GGT1: variants seen among roughly 807,000 people sequenced by gnomAD.
The protein encoded by GGT1 is glutathione hydrolase 1 proenzyme.
A neutral mutation model predicts 56.0 loss-of-function variants in GGT1; 21 were observed. The ratio of observed to expected loss-of-function variants is 0.38; its 90% CI spans 0.27 to 0.54. The LOEUF (loss-of-function observed/expected upper bound fraction) is 0.54. GGT1 is among the 20% of genes least tolerant of loss of function. The pLI, the probability that GGT1 is intolerant of heterozygous loss-of-function variation, is 0.82. For missense variants in GGT1, 466 were observed against 787.0 expected, an observed-to-expected ratio of 0.59 and a Z score of 4.88; for synonymous variants, 238 against 342.6, an observed-to-expected ratio of 0.69 and a Z score of 3.37.
chr22:24,628,549 G>A lies in GGT1; in HGVS notation c.1564-144G>A, dbSNP rs796834671. ...CATGAGGGCCAAGCCCCCTGCTCCA[G>A]TGAGACCCAGCAGGCCCCAACCTGC... On this transcript the variant is annotated intron_variant, in intron 15 of 15. Coordinates refer to ENST00000400382, the MANE Select transcript of GGT1 (RefSeq NM_001288833.2). This position sits in a 1 kb window ranked among gnomAD's most constrained non-coding sequence, Gnocchi z 5.7. 21 of 872,856 alleles carry A rather than the reference G, an allele frequency of 2.4e-5. No individual in the cohort carries two copies. Among genetic ancestry groups the A allele is most frequent in the Non-Finnish European group, 3.2e-5 (18 of 567,112 alleles). 54.1% of individuals were successfully genotyped at this position (872,856 alleles called of 1,614,324 possible). A position where few individuals can be genotyped will look rare whatever the true frequency, so the allele number is the denominator to read the frequency against.
intron 5 of GGT1, among the ~76,000 whole-genome samples, chr22:24,611,592 A>G (rs1195164260): frequency 6.9e-6 from 1 of 144,932 alleles, no homozygotes; most frequent in Non-Finnish European, 1.5e-5. Context: ...CTATCTATCT[A>G]TCTATCTACT....
upstream of GGT1, among the ~76,000 whole-genome samples, chr22:24,602,406 A>C (rs1047085005): frequency 1.1e-4 from 17 of 152,232 alleles, no homozygotes; most frequent in Admixed American, 3.3e-4. Flanking sequence ...GATGGAATGA[A>C]AGAAGGAACG....
At chr22:24,623,049 C>T (rs2047530917) in intron 9 of GGT1, 58 bp from the exon 10 acceptor site, 2 of 1,609,146 alleles carry the variant, frequency 1.2e-6, no homozygotes, top group Non-Finnish European at 8.5e-7. Context: ...CAGCTCCATC[C>T]TCCACGCAGT....
At chr22:24,587,478 G>T in the GGT1 span, among the ~76,000 whole-genome samples, 4 of 152,330 alleles carry the variant, frequency 2.6e-5, no homozygotes, top group East Asian at 5.8e-4. Flanking sequence ...CAACCTTGTG[G>T]GGTCCAAGCT....
chr22:24,605,232 T>TTA (rs2046031702), intron 1 of GGT1, among the ~76,000 whole-genome samples: 6 of 2,330 alleles, frequency 2.6e-3, no homozygotes, highest in Admixed American at 0.013. Context: ...ATAATATGTA[T>TTA]TATATTATAT....
At chr22:24,622,518 C>T (rs1388201677) in intron 9 of GGT1, among the ~76,000 whole-genome samples, 6 of 152,040 alleles carry the variant, frequency 3.9e-5, no homozygotes, top group Non-Finnish European at 7.4e-5. Context: ...GAGCCGATAT[C>T]GCGCCACTGC....
chr22:24,586,505 C>T, the GGT1 span: 2 of 1,302,512 alleles, frequency 1.5e-6, no homozygotes, highest in Admixed American at 2.2e-5. Flanking sequence ...CCCAGGCCTA[C>T]AGTCTGGCAA....
chr22:24,594,075 A>T (rs898031513), upstream of GGT1, among the ~76,000 whole-genome samples: 7 of 152,110 alleles, frequency 4.6e-5, no homozygotes, highest in Admixed American at 4.6e-4. Context: ...GCAGAGTGAG[A>T]TGGGGGCCCT....
the GGT1 span, chr22:24,589,236 C>A: frequency 7.9e-7 from 1 of 1,262,408 alleles, no homozygotes; most frequent in Non-Finnish European, 1.0e-6. Context: ...AGGACATCTG[C>A]AGGTGCTGTC....
In GGT1 at chr22:24,606,513, A is replaced by G. The variant is rs1277693007; in HGVS notation, c.-428-1441A>G. On this transcript the variant is annotated intron_variant, in intron 1 of 15. Coordinates refer to ENST00000400382, the MANE Select transcript of GGT1 (RefSeq NM_001288833.2). ...GGAATGCAGCCACTTAGCAGGGCCA[A>G]ATCCCCTGATGTTCCTGTTGGCTGT... 4.6e-5 allele frequency among the ~76,000 whole-genome samples: 7 copies of G among 152,330 alleles called. No individual in the cohort carries two copies. The East Asian group carries it at 1.4e-3, about 29-fold the overall frequency.
chr22:24,586,895 T>G, the GGT1 span, among the ~76,000 whole-genome samples: 1 of 152,230 alleles, frequency 6.6e-6, no homozygotes, highest in African/African-American at 2.4e-5. Flanking sequence ...TCCCCTTTGG[T>G]GAAAATGGGA....
Position 24,621,389 on chromosome 22 carries a change from T to C in GGT1, c.733+319T>C, listed in dbSNP as rs3876106. Among the ~76,000 whole-genome samples, 82 of 152,024 alleles carry C rather than the reference T, an allele frequency of 5.4e-4. 1 individual carries two copies. The South Asian group carries it at 0.016, about 30-fold the overall frequency. On this transcript the variant is annotated intron_variant, in intron 9 of 15. Transcript: ENST00000400382. ...GTGGCGGCTGGGCTGCAGATAACTTTGTTAGGCAGAGAGAGGAAGGGATTC... is the reference window on the plus strand; with the variant it reads ...GTGGCGGCTGGGCTGCAGATAACTTCGTTAGGCAGAGAGAGGAAGGGATTC...
rs1281116009 is a variant in GGT1 at position 24,627,503 on chromosome 22, C to T, written c.1092C>T (p.His364=). The change falls in exon 12 of 16, where the codon CAC becomes CAT. Residue 364 remains histidine, a synonymous_variant. Coordinates refer to ENST00000400382, the MANE Select transcript of GGT1 (RefSeq NM_001288833.2). ...LRAQISDDTT[H]PISYYKPEFY... is the part of the protein sequence containing the mutation. Reference sequence around the variant, plus strand: ...CCCAGATCTCTGACGACACCACTCACCCGATCTCCTACTACAAGCCCGAGT... The same window carrying T: ...CCCAGATCTCTGACGACACCACTCATCCGATCTCCTACTACAAGCCCGAGT... 1 of 1,583,344 alleles carries T rather than the reference C, an allele frequency of 6.3e-7. No individual in the cohort carries two copies. Among genetic ancestry groups the T allele is most frequent in the Non-Finnish European group, 8.6e-7 (1 of 1,168,910 alleles).
chr22:24,585,807 C>T, the GGT1 span: 18 of 1,353,858 alleles, frequency 1.3e-5, no homozygotes, highest in Non-Finnish European at 1.7e-5. Flanking sequence ...GCCTGTGAGT[C>T]CTCCTTGACC....
chr22:24,621,051 G>A lies in GGT1; in HGVS notation c.714G>A (p.Val238=), dbSNP rs1209694669. 3 of 1,594,628 alleles carry A rather than the reference G, an allele frequency of 1.9e-6. No individual in the cohort carries two copies. Among genetic ancestry groups the A allele is most frequent in the Non-Finnish European group, 1.7e-6 (2 of 1,170,688 alleles). ...ACGGCAGCCTCACGGCCCAGATTGT[G>A]AAGGACATCCAGGCGGCCGGTGAGT... ...FYNGSLTAQI[V]KDIQAAGGIV... The change falls in exon 9 of 16, where the codon GTG becomes GTA. Residue 238 remains valine, a synonymous_variant. Transcript: ENST00000400382.
At chr22:24,592,273 T>C (rs2045592282), upstream of GGT1, 1 of 465,874 alleles carries the variant, frequency 2.1e-6, no homozygotes, top group African/African-American at 2.0e-5. Flanking sequence ...GCACAGATGC[T>C]GGGGATGTGT....
upstream of GGT1, among the ~76,000 whole-genome samples, chr22:24,601,677 C>T (rs1213387261): frequency 6.6e-6 from 1 of 152,232 alleles, no homozygotes; most frequent in African/African-American, 2.4e-5. Flanking sequence ...GCCCTTTGAG[C>T]CTCCTGTCTG....
upstream of GGT1, among the ~76,000 whole-genome samples, chr22:24,601,884 A>G (rs1213497646): frequency 6.6e-6 from 1 of 152,196 alleles, no homozygotes; most frequent in Non-Finnish European, 1.5e-5. Flanking sequence ...GCCTCTACCT[A>G]GCACCCCAAT....
chr22:24,611,543 CATCTATCTATCTATCTATCTATCTATCT>C (rs60405110), intron 5 of GGT1, among the ~76,000 whole-genome samples: 9 of 119,440 alleles, frequency 7.5e-5, no homozygotes, highest in Non-Finnish European at 1.4e-4. Context: ...ATCTATCTAT[CATCTATCTATCTATCTATCTATCTATCT>C]ATCTATCTAT....
Sources: allele counts gnomAD v4.1 joint callset (sites outside exome capture counted in the v4.1 genomes callset), GRCh38; gene constraint gnomAD v4.1.1; non-coding constraint Gnocchi (gnomAD v3.1); transcripts MANE v1.5; gene names NCBI Gene and HGNC (gene_info 2026-07-23, HGNC 2026-07-21).